The following FMN2 variants were observed in gnomAD, a reference collection of about 807,000 sequenced individuals.
FMN2 encodes the protein formin 2.
In FMN2, 51 loss-of-function variants were observed where a neutral mutation model predicts 142.3. That is an observed-to-expected ratio of 0.36 (90% CI 0.29 to 0.45). The LOEUF is 0.45. FMN2 is among the 20% of genes least tolerant of loss of function. The probability of loss-of-function intolerance (pLI) is 1.00; values close to 1 mark genes in which losing one functional copy is unlikely to be tolerated. For synonymous variants in FMN2, 882 were observed against 869.8 expected, an observed-to-expected ratio of 1.01 and a Z score of -0.25; for missense variants, 1,936 against 2,122.8, an observed-to-expected ratio of 0.91 and a Z score of 1.73.
intron 2 of FMN2, chr1:240,143,688 A>AT: frequency 6.2e-7 from 1 of 1,603,476 alleles, no homozygotes; most frequent in Non-Finnish European, 8.5e-7. Flanking sequence ...TCCCCAGGTG[A>AT]TTGAGACCCA....
At chr1:240,199,354 A>T (rs1666044429) in intron 4 of FMN2, among the ~76,000 whole-genome samples, 1 of 152,232 alleles carries the variant, frequency 6.6e-6, no homozygotes, top group African/African-American at 2.4e-5. Context: ...AGGCTTTAAA[A>T]GTATCCTGCT....
intron 2 of FMN2, among the ~76,000 whole-genome samples, chr1:240,169,750 T>A (rs1287539235): frequency 6.6e-6 from 1 of 152,186 alleles, no homozygotes; most frequent in African/African-American, 2.4e-5. Context: ...GCTGGAATTA[T>A]AGGCGTGAGC....
chr1:240,378,164 T>A (rs1289908674), intron 14 of FMN2, among the ~76,000 whole-genome samples: 3 of 152,088 alleles, frequency 2.0e-5, no homozygotes, highest in Non-Finnish European at 4.4e-5. Flanking sequence ...TATTATTATT[T>A]TTTTAGACAG....
intron 16 of FMN2, among the ~76,000 whole-genome samples, chr1:240,446,646 A>G (rs533443019): frequency 1.5e-4 from 23 of 152,324 alleles, no homozygotes; most frequent in Non-Finnish European, 7.4e-5. Flanking sequence ...TAATTTCTTT[A>G]GGATACTTTC....
At chr1:240,143,296 A>G in intron 2 of FMN2, 1 of 1,531,816 alleles carries the variant, frequency 6.5e-7, no homozygotes, top group South Asian at 1.1e-5. Flanking sequence ...TGAAACAGAG[A>G]TGAGGGCCAG....
chr1:240,355,951 CAAAAAAAAAAAAAAAAAAAAAAA>C (rs58002724), intron 14 of FMN2, 43 bp downstream of exon 14: 869 of 252,334 alleles, frequency 3.4e-3, no homozygotes, highest in South Asian at 7.5e-3. Context: ...CCCCTTTCAG[CAAAAAAAAAAAAAAAAAAAAAAA>C]AAAAAAAAAA....
chr1:240,252,952 A>ATTTTTTTTTTTT (rs1572118578), intron 6 of FMN2, among the ~76,000 whole-genome samples: 1 of 33,882 alleles, frequency 3.0e-5, no homozygotes, highest in Non-Finnish European at 5.0e-5. Context: ...AGTCTTGTTC[A>ATTTTTTTTTTTT]CTTTTTTTTT....
At chr1:240,098,096 A>ATTTTTTTTTTTTTTTTTTTTTTTTTTTTT (rs1558293621) in intron 1 of FMN2, among the ~76,000 whole-genome samples, 1 of 81,194 alleles carries the variant, frequency 1.2e-5, no homozygotes, top group African/African-American at 7.1e-5. Context: ...GGTTATCTTG[A>ATTTTTTTTTTTTTTTTTTTTTTTTTTTTT]ATTTTTTTTT....
At chr1:240,215,442 C>T (rs1012121414) in intron 6 of FMN2, among the ~76,000 whole-genome samples, 3 of 152,164 alleles carry the variant, frequency 2.0e-5, no homozygotes, top group Admixed American at 6.5e-5. Flanking sequence ...GGGCTGAGCT[C>T]GGGTTCAGAC....
intron 13 of FMN2, among the ~76,000 whole-genome samples, chr1:240,337,203 CTTT>C (rs752506621): frequency 3.3e-4 from 30 of 90,548 alleles, no homozygotes; most frequent in African/African-American, 9.4e-4. Flanking sequence ...TATTCCTTTT[CTTT>C]TTTTTTTTTT....
At chr1:240,331,968 T>A (rs73124151) in intron 11 of FMN2, among the ~76,000 whole-genome samples, 189 of 152,318 alleles carry the variant, frequency 1.2e-3, no homozygotes, top group African/African-American at 3.5e-3. Context: ...GCGTATCACT[T>A]TTGTACCATT....
At chr1:240,334,934 TTTTGA>T (rs1372878585) in intron 13 of FMN2, among the ~76,000 whole-genome samples, 8 of 152,254 alleles carry the variant, frequency 5.3e-5, no homozygotes, top group Non-Finnish European at 1.2e-4. Context: ...TTACCCGAGC[TTTTGA>T]TTTGATATTG....
chr1:240,373,128 G>C (rs571848270), intron 14 of FMN2, among the ~76,000 whole-genome samples: 1 of 150,200 alleles, frequency 6.7e-6, no homozygotes, highest in African/African-American at 2.5e-5. Flanking sequence ...AGTTTGCAGT[G>C]AGCCGAGATC....
At chr1:240,411,300 C>T (rs1019103709) in intron 15 of FMN2, among the ~76,000 whole-genome samples, 11 of 152,212 alleles carry the variant, frequency 7.2e-5, no homozygotes, top group Admixed American at 3.3e-4. Flanking sequence ...CGGCCGGGCG[C>T]GGTGTTTCAC....
chr1:240,410,744 C>T lies in FMN2; in HGVS notation c.4910+18182C>T, dbSNP rs778577949. ...TCTGCTTTTCTGAGCTTATTGTTAT[C>T]GTCGTGTTTTTACACATGTATATTG... is the stretch of plus-strand genomic sequence containing the variant. On this transcript the variant is annotated intron_variant, in intron 15 of 17. Transcript: ENST00000319653. 3.9e-5 allele frequency among the ~76,000 whole-genome samples: 6 copies of T among 152,224 alleles called. No individual in the cohort carries two copies. The East Asian group carries it at 5.8e-4, about 15-fold the overall frequency.
intron 8 of FMN2, among the ~76,000 whole-genome samples, chr1:240,305,693 G>A (rs79721435): frequency 0.02 from 2,989 of 152,246 alleles, 92 homozygotes; most frequent in African/African-American, 0.067. Context: ...CGTAGCTATT[G>A]TATAATGCCA....
intron 16 of FMN2, among the ~76,000 whole-genome samples, chr1:240,462,209 A>G (rs539825065): frequency 2.0e-5 from 3 of 152,292 alleles, no homozygotes; most frequent in African/African-American, 7.2e-5. Context: ...ATGAAAATAT[A>G]TTACATATAT....
intron 6 of FMN2, among the ~76,000 whole-genome samples, chr1:240,225,176 T>G (rs7520065): frequency 0.34 from 51,232 of 152,022 alleles, 9,170 homozygotes; most frequent in Non-Finnish European, 0.39. Context: ...TGCAGTCATC[T>G]CTGGCAGTCT....
At chr1:240,136,898 C>A (rs10802840) in intron 2 of FMN2, among the ~76,000 whole-genome samples, 52,435 of 151,562 alleles carry the variant, frequency 0.35, 9,218 homozygotes, top group Non-Finnish European at 0.37. Flanking sequence ...TGGTGAAACC[C>A]TGTCTCTACT....
Sources: gnomAD v4.1 joint callset for allele counts (sites outside exome capture counted in the v4.1 genomes callset) on GRCh38, gnomAD v4.1.1 for gene constraint, MANE v1.5 for transcripts, NCBI Gene and HGNC (gene_info 2026-07-23, HGNC 2026-07-21) for gene names.